SOX6: variants seen among roughly 807,000 people sequenced by gnomAD.
The protein encoded by SOX6 is SRY-box transcription factor 6, also known as transcription factor SOX-6.
A neutral mutation model predicts 97.8 loss-of-function variants in SOX6; 11 were observed. The observed-to-expected ratio is 0.11, with a 90% CI of 0.07 to 0.19. SOX6 has a LOEUF of 0.19. SOX6 is among the 10% of genes least tolerant of loss of function. SOX6 has a pLI of 1.00. For missense variants in SOX6, 810 were observed against 1,039.5 expected, an observed-to-expected ratio of 0.78 and a Z score of 3.04; for synonymous variants, 360 against 371.4, an observed-to-expected ratio of 0.97 and a Z score of 0.35.
intron 1 of SOX6, among the ~76,000 whole-genome samples, chr11:16,445,285 G>A (rs1859589339): frequency 6.6e-6 from 1 of 152,108 alleles, no homozygotes; most frequent in Admixed American, 6.5e-5. Context: ...CACCAACTTT[G>A]CAAATTATTT....
At chr11:16,105,682 C>A (rs1186744473) in intron 7 of SOX6, among the ~76,000 whole-genome samples, 1 of 152,096 alleles carries the variant, frequency 6.6e-6, no homozygotes, top group Non-Finnish European at 1.5e-5. Context: ...TGCTGCTATT[C>A]AGTCTTGTAG....
intron 7 of SOX6, 75 bp downstream of exon 7, chr11:16,111,728 G>A (rs924315794): frequency 8.2e-5 from 128 of 1,562,224 alleles, no homozygotes; most frequent in Non-Finnish European, 1.0e-4. Context: ...ATGCTCCTGT[G>A]TTTGTTGTGA....
chr11:16,186,666 T>A (rs546741181), intron 5 of SOX6, 117 bp downstream of exon 5: 15 of 1,263,164 alleles, frequency 1.2e-5, no homozygotes, highest in Non-Finnish European at 1.6e-5. Context: ...CATCTTTTCT[T>A]ATTTTTATTT....
chr11:16,188,907 A>C (rs1244780521), intron 4 of SOX6, among the ~76,000 whole-genome samples: 2 of 152,012 alleles, frequency 1.3e-5, no homozygotes, highest in Non-Finnish European at 2.9e-5. Flanking sequence ...TACTAAAAAT[A>C]CAAAAATTAG....
intron 12 of SOX6, among the ~76,000 whole-genome samples, chr11:16,028,430 G>C (rs1855268642): frequency 1.3e-5 from 2 of 152,166 alleles, no homozygotes; most frequent in South Asian, 4.1e-4. Flanking sequence ...CTTGGGAATA[G>C]ATGTATTAAT....
At chr11:16,534,734 C>T (rs1861282052) in intron 4 of SOX6, among the ~76,000 whole-genome samples, 1 of 152,092 alleles carries the variant, frequency 6.6e-6, no homozygotes, top group African/African-American at 2.4e-5. Context: ...ACACCCCAAA[C>T]ACCCCAAGCA....
chr11:16,566,922 C>T (rs967906551), intron 4 of SOX6, among the ~76,000 whole-genome samples: 3 of 152,160 alleles, frequency 2.0e-5, no homozygotes, highest in Non-Finnish European at 4.4e-5. Flanking sequence ...TGGAAACAAC[C>T]TAAATGTCCA....
At chr11:16,516,895 A>G (rs1860983281) in intron 4 of SOX6, among the ~76,000 whole-genome samples, 1 of 148,802 alleles carries the variant, frequency 6.7e-6, no homozygotes, top group African/African-American at 2.5e-5. Context: ...TTTTAGATCA[A>G]TATCCTTGAT....
intron 2 of SOX6, among the ~76,000 whole-genome samples, chr11:16,732,639 T>C (rs1001866837): frequency 6.6e-6 from 1 of 152,048 alleles, no homozygotes. Flanking sequence ...AAACCCTAGA[T>C]GAAAACCTAG....
chr11:16,525,222 CT>C (rs1265692369), intron 4 of SOX6, among the ~76,000 whole-genome samples: 2 of 152,180 alleles, frequency 1.3e-5, no homozygotes, highest in Admixed American at 6.5e-5. Flanking sequence ...CGCTACCTGA[CT>C]TCAAACTATA....
intron 6 of SOX6, among the ~76,000 whole-genome samples, chr11:16,139,607 G>A (rs567157094): frequency 2.5e-4 from 38 of 151,424 alleles, no homozygotes; most frequent in South Asian, 1.5e-3. Flanking sequence ...CTCACTTTCT[G>A]GAATAATAAA....
chr11:16,037,822 C>G (rs953922132), intron 12 of SOX6, among the ~76,000 whole-genome samples: 2 of 152,130 alleles, frequency 1.3e-5, no homozygotes, highest in Non-Finnish European at 2.9e-5. Flanking sequence ...GTGCCCCATC[C>G]ACAAACACCT....
intron 3 of SOX6, among the ~76,000 whole-genome samples, chr11:16,699,125 T>C (rs1239055260): frequency 6.6e-6 from 1 of 152,244 alleles, no homozygotes; most frequent in Non-Finnish European, 1.5e-5. Context: ...GGGTTAAATG[T>C]TGACAATCAA....
chr11:16,421,124 C>T (rs1859013524), intron 1 of SOX6, among the ~76,000 whole-genome samples: 2 of 152,108 alleles, frequency 1.3e-5, no homozygotes, highest in African/African-American at 4.8e-5. Context: ...CTAACAGGGA[C>T]AGTATCCTTA....
At chr11:16,304,963 A>G (rs894207954) in intron 3 of SOX6, among the ~76,000 whole-genome samples, 1 of 152,024 alleles carries the variant, frequency 6.6e-6, no homozygotes, top group South Asian at 2.1e-4. Flanking sequence ...AAAACTACAC[A>G]TCTTTCAGAA....
chr11:16,135,739 C>CAATATT (rs1192784084), intron 6 of SOX6, among the ~76,000 whole-genome samples: 1 of 152,138 alleles, frequency 6.6e-6, no homozygotes, highest in Admixed American at 6.5e-5. Flanking sequence ...GTTGAAATAA[C>CAATATT]CACACAAGGT....
intron 3 of SOX6, among the ~76,000 whole-genome samples, chr11:16,282,876 C>T (rs1259771239): frequency 1.3e-5 from 2 of 149,996 alleles, no homozygotes; most frequent in Non-Finnish European, 3.0e-5. Context: ...GTTCTTACTA[C>T]TTGAAGTGAT....
intron 6 of SOX6, among the ~76,000 whole-genome samples, chr11:16,171,449 G>A (rs1306018180): frequency 4.0e-5 from 6 of 151,896 alleles, no homozygotes; most frequent in African/African-American, 9.7e-5. Context: ...AACGGTACAC[G>A]TGTCTGGTTA....
chr11:16,599,059 C>G (rs1241781089), intron 4 of SOX6, among the ~76,000 whole-genome samples: 1 of 151,994 alleles, frequency 6.6e-6, no homozygotes, highest in African/African-American at 2.4e-5. Flanking sequence ...CCTATTTATA[C>G]GTATCATCAT....
Sources: gnomAD v4.1 joint callset for allele counts (sites outside exome capture counted in the v4.1 genomes callset) on GRCh38, gnomAD v4.1.1 for gene constraint, MANE v1.5 for transcripts, NCBI Gene and HGNC (gene_info 2026-07-23, HGNC 2026-07-21) for gene names.